ANKFN1: variants seen among roughly 807,000 people sequenced by gnomAD.
ANKFN1 encodes ankyrin repeat and fibronectin type-III domain-containing protein 1.
A neutral mutation model predicts 108.7 loss-of-function variants in ANKFN1; 74 were observed. The observed-to-expected ratio is 0.68, with a 90% CI of 0.56 to 0.83. The LOEUF (loss-of-function observed/expected upper bound fraction) is 0.83. Among genes scored for constraint, ANKFN1 ranks in the 40% least tolerant of loss-of-function variants. The pLI, the probability that ANKFN1 is intolerant of heterozygous loss-of-function variation, is 0.00. For missense variants in ANKFN1, 1,505 were observed against 1,382.3 expected (o/e 1.09, Z -1.41); for synonymous variants, 547 against 516.2 (o/e 1.06, Z -0.81).
intron 4 of ANKFN1, among the ~76,000 whole-genome samples, chr17:56,085,143 CAT>C (rs1445979585): frequency 1.4e-5 from 2 of 146,446 alleles, no homozygotes; most frequent in African/African-American, 5.1e-5. Flanking sequence ...TTAAATATTT[CAT>C]AGTTATTTCT....
chr17:56,428,419 A>G (rs2145097606), intron 8 of ANKFN1, among the ~76,000 whole-genome samples: 1 of 149,132 alleles, frequency 6.7e-6, no homozygotes, highest in East Asian at 2.0e-4. Flanking sequence ...TATATGCTAT[A>G]TCTTAAAAGT....
chr17:56,339,140 CT>C (rs2045895085), intron 4 of ANKFN1, among the ~76,000 whole-genome samples: 1 of 151,386 alleles, frequency 6.6e-6, no homozygotes, highest in Non-Finnish European at 1.5e-5. Context: ...GTATTTTAAT[CT>C]TTTGATGCTA....
chr17:56,380,325 C>G (rs2047058883), intron 8 of ANKFN1, among the ~76,000 whole-genome samples: 1 of 152,176 alleles, frequency 6.6e-6, no homozygotes, highest in African/African-American at 2.4e-5. Context: ...CGAATAGGAA[C>G]AGCTCCAGTC....
chr17:56,081,494 A>G (rs546486586), intron 4 of ANKFN1, among the ~76,000 whole-genome samples: 1 of 152,190 alleles, frequency 6.6e-6, no homozygotes, highest in East Asian at 1.9e-4. Flanking sequence ...CTGGGACTAC[A>G]GGCACCCGCC....
At chr17:56,266,375 T>C (rs2043652305) in intron 3 of ANKFN1, among the ~76,000 whole-genome samples, 1 of 152,052 alleles carries the variant, frequency 6.6e-6, no homozygotes, top group African/African-American at 2.4e-5. Flanking sequence ...CCCGTCCATC[T>C]CCCTCCCTCT....
At chr17:56,233,837 G>A (rs1014170881) in intron 3 of ANKFN1, among the ~76,000 whole-genome samples, 1 of 152,016 alleles carries the variant, frequency 6.6e-6, no homozygotes, top group Non-Finnish European at 1.5e-5. Context: ...CCATGTAAAT[G>A]TGGTTGATAT....
At chr17:56,201,900 T>C (rs1177671673) in intron 1 of ANKFN1, among the ~76,000 whole-genome samples, 1 of 152,188 alleles carries the variant, frequency 6.6e-6, no homozygotes, top group African/African-American at 2.4e-5. Context: ...CCACTACCCC[T>C]GCACTGGAAG....
At chr17:56,092,598 A>C (rs1370503566) in intron 4 of ANKFN1, among the ~76,000 whole-genome samples, 3 of 151,084 alleles carry the variant, frequency 2.0e-5, no homozygotes, top group African/African-American at 7.3e-5. Context: ...TAAGCTGTGC[A>C]ACAAATTCCT....
intron 4 of ANKFN1, among the ~76,000 whole-genome samples, chr17:56,335,288 G>A (rs1312161653): frequency 6.6e-6 from 1 of 152,052 alleles, no homozygotes; most frequent in Non-Finnish European, 1.5e-5. Context: ...GGATGGCATT[G>A]AATCTATAAA....
At chr17:56,394,638 G>A (rs1370828700) in intron 8 of ANKFN1, among the ~76,000 whole-genome samples, 1 of 152,044 alleles carries the variant, frequency 6.6e-6, no homozygotes, top group Admixed American at 6.5e-5. Context: ...CCTGGCAGTT[G>A]CTGAGCCCAT....
intron 4 of ANKFN1, among the ~76,000 whole-genome samples, chr17:56,142,656 C>T (rs16956743): frequency 0.023 from 3,549 of 152,264 alleles, 126 homozygotes; most frequent in African/African-American, 0.081. Flanking sequence ...CCATCCTATC[C>T]TGTATTTCCT....
chr17:56,383,302 A>G (rs545246080), intron 8 of ANKFN1, among the ~76,000 whole-genome samples: 1 of 152,142 alleles, frequency 6.6e-6, no homozygotes, highest in African/African-American at 2.4e-5. Context: ...ATGCAACATA[A>G]TAGAATCTCT....
intron 3 of ANKFN1, among the ~76,000 whole-genome samples, chr17:56,250,602 A>G (rs1362049551): frequency 6.6e-6 from 1 of 152,246 alleles, no homozygotes; most frequent in Non-Finnish European, 1.5e-5. Context: ...AGATCTATAC[A>G]TCATATCACA....
intron 1 of ANKFN1, among the ~76,000 whole-genome samples, chr17:56,159,468 C>T (rs1350312565): frequency 1.3e-5 from 2 of 152,170 alleles, no homozygotes; most frequent in Non-Finnish European, 2.9e-5. Context: ...TTCAGCAACT[C>T]TGAAATAAAT....
At chr17:56,169,468 C>A (rs1004112423) in intron 1 of ANKFN1, among the ~76,000 whole-genome samples, 3 of 152,146 alleles carry the variant, frequency 2.0e-5, no homozygotes, top group African/African-American at 7.2e-5. Flanking sequence ...CAAAGTCTCA[C>A]TATGTTGTCC....
intron 8 of ANKFN1, among the ~76,000 whole-genome samples, chr17:56,406,793 A>AT (rs898268894): frequency 2.6e-5 from 4 of 152,202 alleles, no homozygotes; most frequent in Non-Finnish European, 2.9e-5. Context: ...GAGTGGGAAA[A>AT]TGCATAGCAT....
At chr17:56,337,781 G>A (rs1005744360) in intron 4 of ANKFN1, among the ~76,000 whole-genome samples, 10 of 151,992 alleles carry the variant, frequency 6.6e-5, no homozygotes, top group African/African-American at 9.7e-5. Flanking sequence ...TTAGAATGGC[G>A]ATCATTAAAA....
rs534122273 is a variant in ANKFN1 at position 56,478,845 on chromosome 17, C to T, written c.1940+1191C>T. Among the ~76,000 whole-genome samples the T allele has an allele frequency of 4.6e-5, 7 of 152,166 alleles. No homozygotes were observed. In the South Asian group the frequency reaches 1.0e-3, roughly 23 times the overall value. On this transcript the variant is annotated intron_variant, in intron 16 of 20. Coordinates refer to ENST00000682825, the MANE Select transcript of ANKFN1 (RefSeq NM_001370326.1). ...CATGGATTTGCTTAGCCAAAGGAGA[C>T]TCTAATTTGGTCATTTAAAATGTGA...
At chr17:56,081,904 G>A (rs1185315403) in intron 4 of ANKFN1, among the ~76,000 whole-genome samples, 1 of 152,182 alleles carries the variant, frequency 6.6e-6, no homozygotes, top group Non-Finnish European at 1.5e-5. Flanking sequence ...TTGCCTCTTA[G>A]TGGGCGTGTG....
Sources: gnomAD v4.1 joint callset for allele counts (sites outside exome capture counted in the v4.1 genomes callset) on GRCh38, gnomAD v4.1.1 for gene constraint, MANE v1.5 for transcripts, NCBI Gene and HGNC (gene_info 2026-07-23, HGNC 2026-07-21) for gene names.